The following USP15 variants were observed in gnomAD, a reference collection of about 807,000 sequenced individuals.
The protein encoded by USP15 is ubiquitin carboxyl-terminal hydrolase 15.
A neutral mutation model predicts 127.1 loss-of-function variants in USP15; 18 were observed. The observed-to-expected ratio is 0.14, with a 90% confidence interval of 0.10 to 0.21. USP15 has a LOEUF of 0.21. Among genes scored for constraint, USP15 ranks in the 10% least tolerant of loss-of-function variants. The pLI is 1.00. For synonymous variants in USP15, 364 were observed against 393.7 expected (o/e 0.92, Z 0.89); for missense variants, 805 against 1,159.9 (o/e 0.69, Z 4.44).
intron 1 of USP15, among the ~76,000 whole-genome samples, chr12:62,276,209 C>A (rs1366278108): frequency 2.0e-5 from 3 of 152,092 alleles, no homozygotes; most frequent in Non-Finnish European, 4.4e-5. Context: ...ACATTTACTT[C>A]ATAACTTCTT....
At chr12:62,303,135 A>G (rs907907504) in intron 3 of USP15, 2 of 368,560 alleles carry the variant, frequency 5.4e-6, no homozygotes, top group Non-Finnish European at 9.8e-6. Context: ...TTAATCCTCT[A>G]TATATAGAGA....
At chr12:62,361,627 G>A (rs946425014) in intron 8 of USP15, among the ~76,000 whole-genome samples, 1 of 151,610 alleles carries the variant, frequency 6.6e-6, no homozygotes, top group Non-Finnish European at 1.5e-5. Flanking sequence ...ATTATTTCAA[G>A]GATTTTTTTT....
At chr12:62,387,598 T>C (rs1169697924) in intron 11 of USP15, among the ~76,000 whole-genome samples, 1 of 152,102 alleles carries the variant, frequency 6.6e-6, no homozygotes, top group Non-Finnish European at 1.5e-5. Flanking sequence ...AAATAAAGAC[T>C]GATAAGTTGT....
At chr12:62,310,938 A>G (rs1437720004) in intron 3 of USP15, among the ~76,000 whole-genome samples, 1 of 151,794 alleles carries the variant, frequency 6.6e-6, no homozygotes, top group African/African-American at 2.4e-5. Flanking sequence ...GGTTAAGGTG[A>G]TATCTCATTG....
chr12:62,357,025 T>C (rs939970987), intron 8 of USP15, among the ~76,000 whole-genome samples: 8 of 152,080 alleles, frequency 5.3e-5, no homozygotes, highest in Non-Finnish European at 1.0e-4. Flanking sequence ...TTACTTTGGT[T>C]CCAGATGCTT....
At chr12:62,282,442 G>T (rs1282874839) in intron 1 of USP15, among the ~76,000 whole-genome samples, 1 of 152,192 alleles carries the variant, frequency 6.6e-6, no homozygotes, top group Non-Finnish European at 1.5e-5. Context: ...AAGTTATGTG[G>T]ATGTGGTTTC....
intron 8 of USP15, among the ~76,000 whole-genome samples, chr12:62,369,622 G>T (rs1007677723): frequency 1.3e-5 from 2 of 152,062 alleles, no homozygotes. Flanking sequence ...ACCGGATTTG[G>T]TGTATACCAC....
chr12:62,274,685 T>C (rs1294692759), intron 1 of USP15, among the ~76,000 whole-genome samples: 1 of 152,034 alleles, frequency 6.6e-6, no homozygotes, highest in Non-Finnish European at 1.5e-5. Flanking sequence ...AAAAGGTTGC[T>C]CTACCCTGTC....
Position 62,358,795 on chromosome 12 carries a change from C to T in USP15, c.915+3320C>T, listed in dbSNP as rs565353349. 2.0e-5 allele frequency among the ~76,000 whole-genome samples: 3 copies of T among 152,114 alleles called. No homozygotes were observed. The South Asian group carries it at 6.2e-4, about 32-fold the overall frequency. On this transcript the variant is annotated intron_variant, in intron 8 of 21. Transcript: ENST00000280377. ...AGTATAACAATTAACATAGCATTTA[C>T]ATTTTATTAAGTATTATAACAAATC...
chr12:62,300,294 C>T (rs902441286), intron 2 of USP15, among the ~76,000 whole-genome samples: 3 of 152,012 alleles, frequency 2.0e-5, no homozygotes, highest in South Asian at 4.1e-4. Flanking sequence ...GTTACATTTA[C>T]AGCATTGGTC....
intron 1 of USP15, chr12:62,278,832 A>G (rs1363039166): frequency 1.3e-5 from 2 of 152,194 alleles, no homozygotes; most frequent in Non-Finnish European, 2.9e-5. Context: ...ACCAGCTAAC[A>G]GAAAATCTGT....
At chr12:62,369,789 T>G (rs1175869443) in intron 8 of USP15, among the ~76,000 whole-genome samples, 2 of 152,214 alleles carry the variant, frequency 1.3e-5, no homozygotes, top group Non-Finnish European at 2.9e-5. Context: ...AAAATGTTAC[T>G]TTTTTAAATA....
chr12:62,358,300 A>G (rs1001211265), intron 8 of USP15, among the ~76,000 whole-genome samples: 7 of 152,194 alleles, frequency 4.6e-5, no homozygotes, highest in African/African-American at 1.7e-4. Flanking sequence ...GTGATTTAAC[A>G]TTATTACTGT....
At chr12:62,297,583 C>A (rs1248269529) in intron 2 of USP15, among the ~76,000 whole-genome samples, 2 of 152,132 alleles carry the variant, frequency 1.3e-5, no homozygotes, top group Non-Finnish European at 2.9e-5. Flanking sequence ...TCAACAAATC[C>A]TTCTAATTAG....
rs192430115 is a variant in USP15, at chr12:62,373,403, A to T, written c.916-8087A>T. Among the ~76,000 whole-genome samples, 248 of 152,138 alleles carry T rather than the reference A, an allele frequency of 1.6e-3. No homozygotes were observed. In the Middle Eastern group the frequency reaches 0.02, roughly 13 times the overall value. ...TAATTCTTCATTGAATTCAAATAGT[A>T]TGTGAAGAAGAAATACCATAGAATT... On this transcript the variant is annotated intron_variant, in intron 8 of 21. Coordinates refer to ENST00000280377, the MANE Select transcript of USP15 (RefSeq NM_001252078.2).
chr12:62,325,211 A>G (rs2065092598), intron 5 of USP15, among the ~76,000 whole-genome samples: 1 of 151,960 alleles, frequency 6.6e-6, no homozygotes, highest in Admixed American at 6.5e-5. Flanking sequence ...AGCTCTCCCT[A>G]AGCCTATACT....
At chr12:62,367,470 G>A (rs549489902) in intron 8 of USP15, among the ~76,000 whole-genome samples, 11 of 152,012 alleles carry the variant, frequency 7.2e-5, no homozygotes, top group East Asian at 1.9e-4. Context: ...CTCGTGATCC[G>A]CCTGCCTTGG....
chr12:62,331,123 A>AT (rs2065285787), intron 6 of USP15, among the ~76,000 whole-genome samples: 1 of 152,198 alleles, frequency 6.6e-6, no homozygotes, highest in Non-Finnish European at 1.5e-5. Context: ...TCAAGATGGC[A>AT]TGAAAATGCT....
At position 62,414,523 on chromosome 12, in the gene USP15, G is replaced by C. The variant is rs986501596; in HGVS notation, c.*10148G>C. 2.0e-5 allele frequency: 3 copies of C among 152,180 alleles called. No homozygotes were observed. Among genetic ancestry groups the C allele is most frequent in the African/African-American group, 7.2e-5 (3 of 41,434 alleles). 9.4% of individuals were successfully genotyped at this position (152,180 alleles called of 1,614,324 possible). ...ACCACACCTGGCTAATTTTTGTAGAGACCAGGTTTCACCATGTTACCCAGG... is the reference window on the plus strand; with the variant it reads ...ACCACACCTGGCTAATTTTTGTAGACACCAGGTTTCACCATGTTACCCAGG... On this transcript the variant is annotated 3_prime_UTR_variant, in exon 22 of 22. Coordinates refer to ENST00000280377, the MANE Select transcript of USP15 (RefSeq NM_001252078.2).
Sources: gnomAD v4.1 joint callset for allele counts (sites outside exome capture counted in the v4.1 genomes callset) on GRCh38, gnomAD v4.1.1 for gene constraint, MANE v1.5 for transcripts, NCBI Gene and HGNC (gene_info 2026-07-23, HGNC 2026-07-21) for gene names.